The following LARGE1 variants were observed in gnomAD, a reference collection of about 807,000 sequenced individuals.
LARGE1 encodes the protein xylosyl- and glucuronyltransferase LARGE1.
In LARGE1, 43 loss-of-function variants were observed where a neutral mutation model predicts 87.6. The observed-to-expected ratio is 0.49, with a 90% CI of 0.38 to 0.63. The LOEUF (loss-of-function observed/expected upper bound fraction) is 0.63. Among genes scored for constraint, LARGE1 ranks in the 30% least tolerant of loss-of-function variants. The pLI, the probability that LARGE1 is intolerant of heterozygous loss-of-function variation, is 0.00. For synonymous variants in LARGE1, 434 were observed against 394.6 expected, an observed-to-expected ratio of 1.10 and a Z score of -1.18; for missense variants, 802 against 1,000.2, an observed-to-expected ratio of 0.80 and a Z score of 2.67.
At chr22:33,129,511 G>A in the LARGE1 span, among the ~76,000 whole-genome samples, 2 of 152,102 alleles carry the variant, frequency 1.3e-5, no homozygotes, top group Non-Finnish European at 2.9e-5. Context: ...TTGTGCACAT[G>A]TACCCTAAAA....
At chr22:33,104,877 TAGA>T in the LARGE1 span, among the ~76,000 whole-genome samples, 1 of 107,918 alleles carries the variant, frequency 9.3e-6, no homozygotes, top group Non-Finnish European at 2.3e-5. Flanking sequence ...GGGACTTCAA[TAGA>T]CTTTCTCTCT....
At chr22:33,544,116 T>C (rs1047940357) in intron 6 of LARGE1, among the ~76,000 whole-genome samples, 6 of 152,330 alleles carry the variant, frequency 3.9e-5, no homozygotes, top group East Asian at 1.9e-4. Context: ...GTTGGGGGAA[T>C]TGGCATGTCC....
At chr22:33,072,253 G>A in the LARGE1 span, among the ~76,000 whole-genome samples, 2 of 152,136 alleles carry the variant, frequency 1.3e-5, no homozygotes, top group Admixed American at 6.6e-5. Flanking sequence ...TATTTTTGAT[G>A]TGCAAATTAA....
intron 1 of LARGE1, among the ~76,000 whole-genome samples, chr22:33,872,949 G>A (rs2146691423): frequency 6.6e-6 from 1 of 152,072 alleles, no homozygotes; most frequent in East Asian, 1.9e-4. Flanking sequence ...ACAGTGAACC[G>A]AGATTGCACC....
chr22:33,373,867 G>A (rs921124967), intron 9 of LARGE1, among the ~76,000 whole-genome samples: 1 of 151,534 alleles, frequency 6.6e-6, no homozygotes, highest in Non-Finnish European at 1.5e-5. Context: ...CCAGCTACTC[G>A]GGAGGCTGAG....
At chr22:33,107,505 C>T in the LARGE1 span, among the ~76,000 whole-genome samples, 3 of 149,948 alleles carry the variant, frequency 2.0e-5, no homozygotes, top group African/African-American at 2.5e-5. Context: ...CAGAGATCCA[C>T]GTTCGCACCA....
the LARGE1 span, among the ~76,000 whole-genome samples, chr22:33,116,655 G>A: frequency 1.3e-5 from 2 of 152,026 alleles, no homozygotes; most frequent in South Asian, 2.1e-4. Context: ...GAGCCACCGC[G>A]CCCAGCTCCC....
At chr22:33,856,117 G>A (rs758026673) in intron 1 of LARGE1, among the ~76,000 whole-genome samples, 5 of 152,076 alleles carry the variant, frequency 3.3e-5, no homozygotes, top group Non-Finnish European at 5.9e-5. Context: ...GGGGTTTAGG[G>A]GACAGCAGAA....
In LARGE1 at chr22:33,277,205, C is replaced by T. The variant is rs151199006; in HGVS notation, c.1928G>A (p.Arg643Gln). 38 of 1,614,244 alleles carry T rather than the reference C, an allele frequency of 2.4e-5. No individual in the cohort carries two copies. The African/African-American group carries it at 2.4e-4, about 10-fold the overall frequency. Residue 643 changes from arginine (R) to glutamine (Q), a missense_variant, in exon 14 of 15, where the codon CGG (arginine) becomes CAG (glutamine). By Grantham distance (43) the Arg-to-Gln change is conservative. Coordinates refer to ENST00000397394, the MANE Select transcript of LARGE1 (RefSeq NM_133642.5). Reference sequence around the variant, plus strand: ...AACCCGGTAAGGCGTGGTGGCGGTCCGCCACTTGGCGAAGTTTGTGGGTGC... The same window carrying T: ...AACCCGGTAAGGCGTGGTGGCGGTCTGCCACTTGGCGAAGTTTGTGGGTGC... ...GHAPTNFAKW[R>Q]TATTPYRVEW...
chr22:33,875,045 GA>G (rs2064420924), intron 1 of LARGE1, among the ~76,000 whole-genome samples: 1 of 152,212 alleles, frequency 6.6e-6, no homozygotes, highest in Non-Finnish European at 1.5e-5. Context: ...CTCCATCTAT[GA>G]GGTTAGGCCC....
rs538612533 is a variant in LARGE1, at chr22:33,273,672, C to T, written c.*755G>A. 2 of 398,684 alleles carry T rather than the reference C, an allele frequency of 5.0e-6. No homozygotes were observed. Among genetic ancestry groups the T allele is most frequent in the Middle Eastern group, 6.3e-4 (1 of 1,588 alleles). The allele number at this position is 398,684 out of a possible 1,614,324, so 24.7% of individuals were successfully genotyped here. On this transcript the variant is annotated 3_prime_UTR_variant, in exon 15 of 15. Coordinates refer to ENST00000397394, the MANE Select transcript of LARGE1 (RefSeq NM_133642.5). Reference sequence around the variant, plus strand: ...AAGCTGCCCATGTTTAAATATCGGCCGAAGATGCTTGACCTCCTTCCTGGG... The same window carrying T: ...AAGCTGCCCATGTTTAAATATCGGCTGAAGATGCTTGACCTCCTTCCTGGG...
intron 6 of LARGE1, 114 bp from the exon 7 acceptor site, chr22:33,432,379 C>T: frequency 1.3e-6 from 1 of 795,042 alleles, no homozygotes; most frequent in Non-Finnish European, 2.2e-6. Context: ...TATTCACTTA[C>T]TGAGAGGTTT....
chr22:33,847,933 C>T (rs2146477581), intron 1 of LARGE1, among the ~76,000 whole-genome samples: 1 of 152,280 alleles, frequency 6.6e-6, no homozygotes, highest in Non-Finnish European at 1.5e-5. Context: ...GTAATTTCTG[C>T]CACCCCCACT....
intron 1 of LARGE1, among the ~76,000 whole-genome samples, chr22:33,898,246 T>C (rs1341088789): frequency 1.2e-4 from 19 of 152,244 alleles, no homozygotes; most frequent in Non-Finnish European, 1.3e-4. Flanking sequence ...CTGAATTTTA[T>C]CATTAACTTG....
the LARGE1 span, among the ~76,000 whole-genome samples, chr22:33,107,956 G>T: frequency 7.6e-4 from 116 of 151,976 alleles, no homozygotes; most frequent in African/African-American, 2.8e-3. Context: ...CTTGAAAAAT[G>T]AATTAAAATA....
chr22:33,216,816 G>T (rs1367595807), intron 11 of LARGE1, among the ~76,000 whole-genome samples: 1 of 152,160 alleles, frequency 6.6e-6, no homozygotes, highest in African/African-American at 2.4e-5. Flanking sequence ...AGGCAGAAAA[G>T]AAGAAAGATA....
chr22:33,762,655 G>C (rs141408015), intron 1 of LARGE1, among the ~76,000 whole-genome samples: 142 of 152,288 alleles, frequency 9.3e-4, no homozygotes, highest in African/African-American at 3.2e-3. Flanking sequence ...GCCTGGGGAG[G>C]GCATATCCTC....
chr22:33,804,310 C>T (rs1455006717), intron 1 of LARGE1, among the ~76,000 whole-genome samples: 1 of 152,162 alleles, frequency 6.6e-6, no homozygotes, highest in East Asian at 1.9e-4. Context: ...TAATAGCCAA[C>T]GTATATGCAA....
intron 6 of LARGE1, among the ~76,000 whole-genome samples, chr22:33,433,957 A>G (rs538219183): frequency 6.6e-6 from 1 of 152,362 alleles, no homozygotes; most frequent in Non-Finnish European, 1.5e-5. Flanking sequence ...GCACAAATAC[A>G]TAAATCAGAG....
Sources: gnomAD v4.1 joint callset for allele counts (sites outside exome capture counted in the v4.1 genomes callset) on GRCh38, gnomAD v4.1.1 for gene constraint, MANE v1.5 for transcripts, NCBI Gene and HGNC (gene_info 2026-07-23, HGNC 2026-07-21) for gene names.